Variants in BTG4 observed in about 807,000 individuals in gnomAD.
BTG4 encodes protein BTG4.
Under a neutral mutation model 19.3 loss-of-function variants are expected in BTG4, and 10 were observed. The ratio of observed to expected loss-of-function variants is 0.52; its 90% CI spans 0.32 to 0.88. The LOEUF (loss-of-function observed/expected upper bound fraction) is 0.88, where lower values mean the gene tolerates loss of function less well. BTG4 is among the 40% of genes least tolerant of loss of function. The pLI, the probability that BTG4 is intolerant of heterozygous loss-of-function variation, is 0.04. For missense variants in BTG4, 238 were observed against 281.9 expected (o/e 0.84, Z 1.11); for synonymous variants, 91 against 95.7 (o/e 0.95, Z 0.29).
the BTG4 span, chr11:111,398,046 G>A: frequency 6.6e-5 from 10 of 152,140 alleles, no homozygotes; most frequent in Non-Finnish European, 1.3e-4. Flanking sequence ...TGTGGCTTGT[G>A]GGGCATGAGT....
chr11:111,439,338 G>A, the BTG4 span, among the ~76,000 whole-genome samples: 5 of 152,170 alleles, frequency 3.3e-5, 1 homozygote, highest in South Asian at 8.3e-4. Context: ...TGTGGTTTAC[G>A]GGCCAGACCT....
At chr11:111,498,921 G>A in intron 1 of BTG4, 119 bp from the exon 2 acceptor site, 1 of 668,988 alleles carries the variant, frequency 1.5e-6, no homozygotes, top group Non-Finnish European at 2.4e-6. Context: ...AAATCTGCTA[G>A]AAAGAAGTCC....
chr11:111,447,783 T>C, the BTG4 span, among the ~76,000 whole-genome samples: 2 of 152,216 alleles, frequency 1.3e-5, no homozygotes, highest in Non-Finnish European at 2.9e-5. Context: ...TTCATCCTCA[T>C]GAAATATTCA....
At chr11:111,476,135 TACACAC>T (rs55989357) in intron 5 of BTG4, among the ~76,000 whole-genome samples, 3 of 148,742 alleles carry the variant, frequency 2.0e-5, no homozygotes, top group Non-Finnish European at 4.5e-5. Context: ...CCAGAATAGA[TACACAC>T]ACACACACAC....
Position 111,506,264 on chromosome 11 carries a change from T to C in BTG4, c.-27+5917A>G, listed in dbSNP as rs12284525. ...AACTGTTGACTGGATAAAGAAAATA[T>C]GGTGTATATATACACAATGGAATAC... On this transcript the variant is annotated intron_variant, in intron 1 of 4. Coordinates refer to ENST00000692032, the MANE Select transcript of BTG4 (RefSeq NM_001367975.1). Among the ~76,000 whole-genome samples, 1,009 of 152,262 alleles carry C rather than the reference T, an allele frequency of 6.6e-3. 13 individuals are homozygous for C. The highest frequency in any genetic ancestry group is 0.023 in the African/African-American group (966 of 41,546).
At chr11:111,409,129 A>G in the BTG4 span, among the ~76,000 whole-genome samples, 1 of 152,252 alleles carries the variant, frequency 6.6e-6, no homozygotes, top group Admixed American at 6.5e-5. Context: ...AGAAGCTCCC[A>G]TCTGACTGCA....
the BTG4 span, among the ~76,000 whole-genome samples, chr11:111,392,503 C>T: frequency 6.6e-6 from 1 of 152,190 alleles, no homozygotes; most frequent in Non-Finnish European, 1.5e-5. Flanking sequence ...CTTTGTCATG[C>T]ATCCAAATCA....
the BTG4 span, among the ~76,000 whole-genome samples, chr11:111,389,703 A>G: frequency 0.034 from 5,104 of 152,344 alleles, 119 homozygotes; most frequent in Middle Eastern, 0.14. Flanking sequence ...GGGAGAAAAT[A>G]CTAATTTTCT....
the BTG4 span, among the ~76,000 whole-genome samples, chr11:111,454,078 AG>A: frequency 1.3e-5 from 2 of 152,142 alleles, no homozygotes. Flanking sequence ...CAAATTCCTC[AG>A]TAGCACTGAT....
downstream of BTG4, among the ~76,000 whole-genome samples, chr11:111,491,392 C>T (rs1200122754): frequency 6.6e-6 from 1 of 152,100 alleles, no homozygotes; most frequent in Non-Finnish European, 1.5e-5. Context: ...AGAATGCATG[C>T]AATCTATGTT....
chr11:111,423,391 C>G, the BTG4 span, among the ~76,000 whole-genome samples: 1 of 152,236 alleles, frequency 6.6e-6, no homozygotes, highest in East Asian at 1.9e-4. Context: ...ATTGTCAAAA[C>G]TTGAAATAAC....
At chr11:111,391,136 A>G in the BTG4 span, among the ~76,000 whole-genome samples, 3 of 152,222 alleles carry the variant, frequency 2.0e-5, no homozygotes, top group African/African-American at 7.2e-5. Context: ...AGACAACCAT[A>G]TAGACATCAG....
At chr11:111,486,517 T>C (rs2135598651) in intron 5 of BTG4, among the ~76,000 whole-genome samples, 1 of 152,282 alleles carries the variant, frequency 6.6e-6, no homozygotes, top group East Asian at 1.9e-4. Context: ...CAGAAGGTAA[T>C]ACTTCCAAAC....
chr11:111,478,403 G>C (rs1474151333), intron 5 of BTG4, among the ~76,000 whole-genome samples: 1 of 152,114 alleles, frequency 6.6e-6, no homozygotes, highest in Non-Finnish European at 1.5e-5. Flanking sequence ...TTGAAACAAA[G>C]TTTAAATAAA....
At chr11:111,513,356 A>G (rs1867087623), upstream of BTG4, 1 of 529,524 alleles carries the variant, frequency 1.9e-6, no homozygotes, top group Non-Finnish European at 3.9e-6. Context: ...CTAGCAACTC[A>G]GTTGAGCTCC....
chr11:111,444,272 G>A, the BTG4 span, among the ~76,000 whole-genome samples: 1 of 137,564 alleles, frequency 7.3e-6, no homozygotes, highest in South Asian at 2.8e-4. Context: ...GAGAGGGAGG[G>A]AAGAGGAGAG....
chr11:111,428,485 A>G, the BTG4 span, among the ~76,000 whole-genome samples: 3 of 152,140 alleles, frequency 2.0e-5, no homozygotes, highest in African/African-American at 7.2e-5. Context: ...CCTTTTGCCA[A>G]TGCCTGGGGA....
chr11:111,477,627 G>T (rs1027545563), intron 5 of BTG4, among the ~76,000 whole-genome samples: 1 of 151,998 alleles, frequency 6.6e-6, no homozygotes, highest in Non-Finnish European at 1.5e-5. Flanking sequence ...AGGCAGACTG[G>T]CTAGGGAACC....
At chr11:111,401,023 A>G in the BTG4 span, 4 of 137,856 alleles carry the variant, frequency 2.9e-5, no homozygotes, top group African/African-American at 1.1e-4. Context: ...GAATGATTTC[A>G]TAGGCTGTTC....
Sources: gnomAD v4.1 joint callset for allele counts (sites outside exome capture counted in the v4.1 genomes callset) on GRCh38, gnomAD v4.1.1 for gene constraint, MANE v1.5 for transcripts, NCBI Gene and HGNC (gene_info 2026-07-23, HGNC 2026-07-21) for gene names.